The following NRSN1 variants were observed in gnomAD, a reference collection of about 807,000 sequenced individuals.
NRSN1 encodes neurensin 1.
A neutral mutation model predicts 17.3 loss-of-function variants in NRSN1; 14 were observed. The ratio of observed to expected loss-of-function variants is 0.81; its 90% CI spans 0.54 to 1.27. The LOEUF is 1.27. NRSN1 is among the 50% of genes most tolerant of loss of function. The pLI is 0.00. For missense variants in NRSN1, 209 were observed against 235.9 expected (o/e 0.89, Z 0.75); for synonymous variants, 79 against 94.2 (o/e 0.84, Z 0.93).
chr6:24,126,600 A>C (rs1473898629), intron 1 of NRSN1, among the ~76,000 whole-genome samples: 1 of 152,164 alleles, frequency 6.6e-6, no homozygotes, highest in African/African-American at 2.4e-5. Flanking sequence ...GGTTTGTGTT[A>C]TGTAAGAATT....
At chr6:24,133,009 C>G (rs1760060897) in intron 2 of NRSN1, among the ~76,000 whole-genome samples, 1 of 152,164 alleles carries the variant, frequency 6.6e-6, no homozygotes, top group Non-Finnish European at 1.5e-5. Context: ...TGACAATTCC[C>G]TTATTCAACA....
At chr6:24,130,148 T>C (rs553613829) in intron 2 of NRSN1, among the ~76,000 whole-genome samples, 1 of 152,344 alleles carries the variant, frequency 6.6e-6, no homozygotes, top group South Asian at 2.1e-4. Flanking sequence ...CAATCATAGA[T>C]TTAACCTTTT....
intron 2 of NRSN1, among the ~76,000 whole-genome samples, chr6:24,132,143 C>A (rs909862349): frequency 6.6e-6 from 1 of 152,104 alleles, no homozygotes; most frequent in Admixed American, 6.5e-5. Context: ...AAGACCAGGG[C>A]CATGTTTTCC....
rs1191931602 is a variant in NRSN1, at chr6:24,145,148, AAT to A, written c.190-391_190-390del. Among the ~76,000 whole-genome samples, 5 of 145,092 alleles carry A rather than the reference AAT, an allele frequency of 3.4e-5. No homozygotes were observed. The highest frequency in any genetic ancestry group is 2.1e-4 in the South Asian group (1 of 4,752). On this transcript the variant is annotated intron_variant, in intron 3 of 3. Transcript: ENST00000378491. This position sits in a 1 kb window ranked among gnomAD's most constrained non-coding sequence, Gnocchi z 4.4. The stretch of plus-strand genomic sequence containing the variant: ...ACATATCTTTAGACATATAATATAT[AAT>A]ATATATATCTTTGGACATATATATT...
intron 3 of NRSN1, among the ~76,000 whole-genome samples, chr6:24,144,990 G>T (rs1760276790): frequency 1.4e-5 from 2 of 145,932 alleles, no homozygotes; most frequent in South Asian, 4.2e-4. Flanking sequence ...AAAAAAAAAA[G>T]ATATTTATAT....
Position 24,147,184 on chromosome 6 carries a change from C to G in NRSN1, c.*1238C>G, listed in dbSNP as rs1326424478. ...TAAGCCATCCTCAAATAAGGAACCC[C>G]TTGGTAGATATTAACCTTAAAAAGG... On this transcript the variant is annotated 3_prime_UTR_variant, in exon 4 of 4. Coordinates refer to ENST00000378491, the MANE Select transcript of NRSN1 (RefSeq NM_080723.5). 1 of 152,176 alleles carries G rather than the reference C, an allele frequency of 6.6e-6. No homozygotes were observed. Among genetic ancestry groups the G allele is most frequent in the Non-Finnish European group, 1.5e-5 (1 of 68,030 alleles). 9.4% of individuals were successfully genotyped at this position (152,176 alleles called of 1,614,324 possible).
Position 24,134,233 on chromosome 6 carries a change from C to G in NRSN1, c.-9-86C>G, listed in dbSNP as rs907956918. 72 of 1,039,412 alleles carry G rather than the reference C, an allele frequency of 6.9e-5. No homozygotes were observed. In the African/African-American group the frequency reaches 9.5e-4, roughly 14 times the overall value. The allele number at this position is 1,039,412 out of a possible 1,614,324, so 64.4% of individuals were successfully genotyped here. On this transcript the variant is annotated intron_variant, in intron 2 of 3. Coordinates refer to ENST00000378491, the MANE Select transcript of NRSN1 (RefSeq NM_080723.5). ...GCATTGTTCAACTAGGCATACATTA[C>G]TCAGTCTGGTTCTTACCTTTCATAT...
At position 24,145,803 on chromosome 6, in the gene NRSN1, T is replaced by G; in HGVS notation, c.445T>G (p.Phe149Val). ...AAAGAGCTACTCCAAAGAAGAAAAATTCCTCCAGCAGAAGTTTAAAGAACG... is the reference window on the plus strand; with the variant it reads ...AAAGAGCTACTCCAAAGAAGAAAAAGTCCTCCAGCAGAAGTTTAAAGAACG... The part of the protein sequence containing the change: ...FVKSYSKEEK[F>V]LQQKFKERIA... The change falls in exon 4 of 4, where the codon TTC becomes GTC. Residue 149 changes from phenylalanine to valine, a missense_variant. Physicochemically the swap from Phe to Val is conservative, Grantham distance 50. Transcript: ENST00000378491. This position sits in a 1 kb window ranked among gnomAD's most constrained non-coding sequence, Gnocchi z 4.4. The G allele has an allele frequency of 6.2e-7, 1 of 1,613,916 alleles. No homozygotes were observed. The highest frequency in any genetic ancestry group is 8.5e-7 in the Non-Finnish European group (1 of 1,179,984).
At position 24,135,596 on chromosome 6, in the gene NRSN1, T is replaced by C. The variant is rs144000198; in HGVS notation, c.189+1080T>C. On this transcript the variant is annotated intron_variant, in intron 3 of 3. Transcript: ENST00000378491. ...TTGATAAATTTAGAGGGTGTTAAAG[T>C]ACCCAGGCAAAAGATGCTGGTGGCG... Among the ~76,000 whole-genome samples the C allele has an allele frequency of 1.8e-3, 278 of 152,324 alleles. 1 individual carries two copies. The highest frequency in any genetic ancestry group is 6.2e-3 in the African/African-American group (256 of 41,578).
intron 3 of NRSN1, among the ~76,000 whole-genome samples, chr6:24,134,929 T>C (rs1009313172): frequency 7.2e-5 from 11 of 152,174 alleles, no homozygotes; most frequent in Non-Finnish European, 1.3e-4. Context: ...GAGTTAATGA[T>C]GAAATGTAGT....
Position 24,145,716 on chromosome 6 carries a change from G to A in NRSN1, c.358G>A (p.Ala120Thr). ...SALDMYKLAG[A>T]VLFCIGGTSM... The stretch of plus-strand genomic sequence containing the variant: ...TCTGGACATGTACAAGCTGGCAGGA[G>A]CTGTTCTCTTCTGCATTGGAGGCAC... The change falls in exon 4 of 4, where the codon GCT becomes ACT. Residue 120 changes from alanine to threonine, a missense_variant. Ala to Thr is a moderately conservative substitution (Grantham distance 58). Transcript: ENST00000378491. The surrounding 1 kb of genome is among the most constrained non-coding windows in gnomAD (Gnocchi z 4.4). 1 of 1,614,216 alleles carries A rather than the reference G, an allele frequency of 6.2e-7. No homozygotes were observed. Among genetic ancestry groups the A allele is most frequent in the South Asian group, 1.1e-5 (1 of 91,084 alleles).
rs1233158975 is a variant in NRSN1 at position 24,145,117 on chromosome 6, T to C, written c.190-431T>C. On this transcript the variant is annotated intron_variant, in intron 3 of 3. Transcript: ENST00000378491. This position sits in a 1 kb window ranked among gnomAD's most constrained non-coding sequence, Gnocchi z 4.4. ...TTATATATATCTTTAGATATATATATAATATACATATCTTTAGACATATAA... is the reference window on the plus strand; with the variant it reads ...TTATATATATCTTTAGATATATATACAATATACATATCTTTAGACATATAA... 6.9e-6 allele frequency among the ~76,000 whole-genome samples: 1 copy of C among 145,322 alleles called. No individual in the cohort carries two copies. Among genetic ancestry groups the C allele is most frequent in the Admixed American group, 7.0e-5 (1 of 14,360 alleles).
At chr6:24,135,506 C>T (rs1373680330) in intron 3 of NRSN1, among the ~76,000 whole-genome samples, 1 of 152,078 alleles carries the variant, frequency 6.6e-6, no homozygotes, top group Non-Finnish European at 1.5e-5. Context: ...TTATGTAGAG[C>T]CTTGTACACC....
At chr6:24,130,437 G>T (rs952394652) in intron 2 of NRSN1, among the ~76,000 whole-genome samples, 2 of 152,128 alleles carry the variant, frequency 1.3e-5, no homozygotes, top group Non-Finnish European at 2.9e-5. Context: ...ACTTCCCTAG[G>T]AGATGTATAA....
chr6:24,127,945 G>A (rs969095911), intron 1 of NRSN1, among the ~76,000 whole-genome samples, 183 bp from the exon 2 acceptor site: 9 of 152,156 alleles, frequency 5.9e-5, no homozygotes, highest in Non-Finnish European at 1.2e-4. Flanking sequence ...AGAACCCATT[G>A]AAAAGTTCTA....
intron 3 of NRSN1, among the ~76,000 whole-genome samples, chr6:24,138,006 G>A (rs191644757): frequency 1.3e-5 from 2 of 152,238 alleles, no homozygotes; most frequent in East Asian, 3.9e-4. Context: ...TTGAAGAAGA[G>A]GAGTCAGGAG....
chr6:24,141,314 C>A, intron 3 of NRSN1: 1 of 1,165,296 alleles, frequency 8.6e-7, no homozygotes, highest in South Asian at 4.4e-5. Context: ...CAATTTTTAT[C>A]CTTTCCAGTA....
At position 24,145,616 on chromosome 6, in the gene NRSN1, GC is replaced by G. The variant is rs748316039; in HGVS notation, c.264del (p.Ile90SerfsTer46). On this transcript the variant is annotated frameshift_variant, in exon 4 of 4. Transcript: ENST00000378491. LOFTEE classifies it high-confidence loss of function. This position sits in a 1 kb window ranked among gnomAD's most constrained non-coding sequence, Gnocchi z 4.4. ...CTGTTCTGGCAGTGGGCTTTCTTGTGCCCCCCAAAATCGAAGCATTTGGCGA... is the reference window on the plus strand; with the variant it reads ...CTGTTCTGGCAGTGGGCTTTCTTGTGCCCCCAAAATCGAAGCATTTGGCGA... Reference protein sequence around the residue: ...LTVLAVGFLVPPKIEAFGEAD... With the variant: ...LTVLAVGFLVXPKIEAFGEAD... 4 of 1,613,128 alleles carry G rather than the reference GC, an allele frequency of 2.5e-6. No individual in the cohort carries two copies. In the Admixed American group the frequency reaches 5.0e-5, roughly 20 times the overall value.
chr6:24,130,306 A>G (rs1294957998), intron 2 of NRSN1, among the ~76,000 whole-genome samples: 2 of 152,194 alleles, frequency 1.3e-5, no homozygotes, highest in Non-Finnish European at 2.9e-5. Flanking sequence ...TAGTTTAATA[A>G]CTGCCCAGTC....
Sources: gnomAD v4.1 joint callset for allele counts (sites outside exome capture counted in the v4.1 genomes callset) on GRCh38, gnomAD v4.1.1 for gene constraint, Gnocchi (gnomAD v3.1) non-coding constraint, MANE v1.5 for transcripts, NCBI Gene and HGNC (gene_info 2026-07-23, HGNC 2026-07-21) for gene names.